The following RIC8B variants were observed in gnomAD, a reference collection of about 807,000 sequenced individuals.
RIC8B encodes the protein RIC8 guanine nucleotide exchange factor B.
In RIC8B, 16 loss-of-function variants were observed where a neutral mutation model predicts 57.5. That is an observed-to-expected ratio of 0.28 (90% CI 0.19 to 0.42). RIC8B has a LOEUF of 0.42. RIC8B is among the 10% of genes least tolerant of loss of function. RIC8B has a pLI of 1.00. For synonymous variants in RIC8B, 216 were observed against 250.8 expected (o/e 0.86, Z 1.31); for missense variants, 481 against 677.0 (o/e 0.71, Z 3.21).
In RIC8B at chr12:106,825,836, A is replaced by C. The variant is rs372449777; in HGVS notation, c.836+16A>C. ...AGCTACACAGGTGGGTAAGCTCTGTATTGATATCCCAATGAAGGACATCAT... is the reference window on the plus strand; with the variant it reads ...AGCTACACAGGTGGGTAAGCTCTGTCTTGATATCCCAATGAAGGACATCAT... On this transcript the variant is annotated intron_variant, in intron 4 of 9. Transcript: ENST00000392837. The C allele has an allele frequency of 1.8e-5, 27 of 1,518,664 alleles. No individual in the cohort carries two copies. In the African/African-American group the frequency reaches 3.7e-4, roughly 21 times the overall value. 94.1% of individuals were successfully genotyped at this position (1,518,664 alleles called of 1,614,324 possible). A position where few individuals can be genotyped will look rare whatever the true frequency, so the allele number is the denominator to read the frequency against.
At chr12:106,823,190 T>C (rs1316448148) in intron 3 of RIC8B, 1 of 255,160 alleles carries the variant, frequency 3.9e-6, no homozygotes, top group Non-Finnish European at 8.0e-6. Context: ...GGAAACAAAG[T>C]GTATGCAAGT....
At chr12:106,780,854 A>G (rs2043733519) in intron 1 of RIC8B, among the ~76,000 whole-genome samples, 1 of 152,248 alleles carries the variant, frequency 6.6e-6, no homozygotes, top group Non-Finnish European at 1.5e-5. Flanking sequence ...CAATAACAGT[A>G]GTGGCCATTG....
chr12:106,836,590 ATCCT>A (rs1362811886), intron 4 of RIC8B, among the ~76,000 whole-genome samples: 1 of 152,228 alleles, frequency 6.6e-6, no homozygotes, highest in African/African-American at 2.4e-5. Context: ...CTGTCAGGAA[ATCCT>A]TCATTATGTA....
intron 5 of RIC8B, 126 bp from the exon 6 acceptor site, chr12:106,843,726 A>C: frequency 6.9e-6 from 2 of 287,926 alleles, no homozygotes; most frequent in African/African-American, 2.3e-5. Context: ...CCTCTCCCAA[A>C]AAAAAAAAAA....
intron 2 of RIC8B, among the ~76,000 whole-genome samples, chr12:106,786,995 T>G (rs1658512640): frequency 6.6e-6 from 1 of 152,128 alleles, no homozygotes; most frequent in Non-Finnish European, 1.5e-5. Context: ...TAAGACAGAG[T>G]CTCCTACCCC....
intron 3 of RIC8B, among the ~76,000 whole-genome samples, chr12:106,817,036 A>T (rs987057707): frequency 6.6e-6 from 1 of 152,188 alleles, no homozygotes; most frequent in Non-Finnish European, 1.5e-5. Flanking sequence ...AGAAATTTAA[A>T]TACTATTGAA....
At chr12:106,863,150 G>A (rs955336740) in intron 8 of RIC8B, among the ~76,000 whole-genome samples, 3 of 152,146 alleles carry the variant, frequency 2.0e-5, no homozygotes, top group African/African-American at 7.2e-5. Flanking sequence ...ACTGAAAGAT[G>A]TGTGTCTAAT....
At chr12:106,839,478 T>G (rs1308886265) in intron 4 of RIC8B, among the ~76,000 whole-genome samples, 2 of 151,732 alleles carry the variant, frequency 1.3e-5, no homozygotes, top group Non-Finnish European at 2.9e-5. Context: ...TTATGAGGAG[T>G]TTAAAATAGT....
intron 9 of RIC8B, 110 bp from the exon 10 acceptor site, chr12:106,885,794 T>G: frequency 1.5e-6 from 1 of 687,744 alleles, no homozygotes; most frequent in Non-Finnish European, 2.4e-6. Flanking sequence ...AATACTTTGG[T>G]TTTTAAAGAC....
intron 9 of RIC8B, among the ~76,000 whole-genome samples, chr12:106,875,708 A>G (rs1950628268): frequency 6.6e-6 from 1 of 152,064 alleles, no homozygotes; most frequent in African/African-American, 2.4e-5. Context: ...ATGTTTTAAA[A>G]TTTATATTTA....
chr12:106,862,596 A>G (rs1025737544), intron 8 of RIC8B, among the ~76,000 whole-genome samples: 1 of 152,092 alleles, frequency 6.6e-6, no homozygotes, highest in Admixed American at 6.6e-5. Flanking sequence ...CCTGAATACC[A>G]TTCACCAGTC....
At chr12:106,831,077 C>G (rs2046334451) in intron 4 of RIC8B, among the ~76,000 whole-genome samples, 1 of 152,010 alleles carries the variant, frequency 6.6e-6, no homozygotes, top group Admixed American at 6.6e-5. Flanking sequence ...TATAGATTTC[C>G]TTTCTTCCAT....
Position 106,814,948 on chromosome 12 carries a change from C to T in RIC8B, c.385C>T (p.Gln129Ter). The stretch of plus-strand genomic sequence containing the variant: ...TCTGTGTAATATAGTGTTCAACAGT[C>T]AGATGGCACAGCAGCTCAGCCTGGA... ...KCLCNIVFNSQMAQQLSLELN... is the reference protein window; with the variant it reads ...KCLCNIVFNS The change falls in exon 3 of 10, where the codon CAG becomes TAG. Residue 129 changes from glutamine (Q) to a stop codon, truncating the protein, a stop_gained. Transcript: ENST00000392837. LOFTEE classifies it high-confidence loss of function. The T allele has an allele frequency of 6.2e-7, 1 of 1,614,194 alleles. No homozygotes were observed. Among genetic ancestry groups the T allele is most frequent in the Non-Finnish European group, 8.5e-7 (1 of 1,180,034 alleles).
chr12:106,786,901 A>G (rs1376091905), intron 2 of RIC8B, among the ~76,000 whole-genome samples: 1 of 152,208 alleles, frequency 6.6e-6, no homozygotes, highest in Non-Finnish European at 1.5e-5. Context: ...TGGAAGATCC[A>G]TACTATATCC....
chr12:106,851,570 C>T lies in RIC8B; in HGVS notation c.1282C>T (p.Leu428Phe). ...LGVKQIAAEF[L>F]FVLCKERVDS... ...AGTCAAGCAAATTGCTGCTGAATTC[C>T]TTTTTGTCCTTTGCAAAGAGAGAGG... The change falls in exon 7 of 10, where the codon CTT (leucine) becomes TTT (phenylalanine). Residue 428 changes from leucine (L) to phenylalanine (F), a missense_variant. Around this residue, in one of 3 missense-constraint regions of RIC8B, gnomAD observed 421 missense variants for 560.9 expected, o/e 0.75. Transcript: ENST00000392837. The T allele has an allele frequency of 6.2e-7, 1 of 1,612,586 alleles. No homozygotes were observed. The highest frequency in any genetic ancestry group is 8.5e-7 in the Non-Finnish European group (1 of 1,179,904).
At chr12:106,808,084 CAAA>C (rs35018524) in intron 2 of RIC8B, among the ~76,000 whole-genome samples, 5 of 108,290 alleles carry the variant, frequency 4.6e-5, no homozygotes, top group Admixed American at 1.9e-4. Context: ...GACTCTGTCT[CAAA>C]AAAAAAAAAA....
At chr12:106,860,545 G>A (rs561709872) in intron 8 of RIC8B, 133 bp downstream of exon 8, 185 of 679,826 alleles carry the variant, frequency 2.7e-4, no homozygotes, top group Non-Finnish European at 2.4e-4. Context: ...TGTTTTTAGA[G>A]GCAGTTTCAT....
At chr12:106,875,759 T>C (rs772510799) in intron 9 of RIC8B, among the ~76,000 whole-genome samples, 3 of 152,116 alleles carry the variant, frequency 2.0e-5, no homozygotes, top group Non-Finnish European at 4.4e-5. Flanking sequence ...CTTCCTTTTC[T>C]TACTCCTTAG....
intron 2 of RIC8B, among the ~76,000 whole-genome samples, chr12:106,794,013 A>C (rs2044369461): frequency 6.6e-6 from 1 of 152,208 alleles, no homozygotes; most frequent in Non-Finnish European, 1.5e-5. Context: ...AGTAGCCATT[A>C]TAAATATATT....
Sources: allele counts gnomAD v4.1 joint callset (sites outside exome capture counted in the v4.1 genomes callset), GRCh38; gene constraint gnomAD v4.1.1; regional missense constraint gnomAD v4.1.1; transcripts MANE v1.5; gene names NCBI Gene and HGNC (gene_info 2026-07-23, HGNC 2026-07-21).